Variants in BBS9 observed in about 807,000 individuals in gnomAD.
BBS9 encodes the protein protein PTHB1.
In BBS9, 89 loss-of-function variants were observed where a neutral mutation model predicts 117.7. That is an observed-to-expected ratio of 0.76 (90% confidence interval 0.64 to 0.90). BBS9 has a LOEUF of 0.90. Ranked by LOEUF, BBS9 falls within the 40% of genes least tolerant of loss-of-function variation. The pLI is 0.00. For synonymous variants in BBS9, 379 were observed against 370.9 expected (o/e 1.02, Z -0.25); for missense variants, 982 against 1,042.2 (o/e 0.94, Z 0.80).
chr7:33,480,433 G>A (rs1261688289), intron 19 of BBS9, among the ~76,000 whole-genome samples: 1 of 152,166 alleles, frequency 6.6e-6, no homozygotes, highest in African/African-American at 2.4e-5. Context: ...AAAGCATAGA[G>A]TAAGTTTTGA....
intron 19 of BBS9, chr7:33,390,402 T>C (rs1826858443): frequency 2.0e-6 from 2 of 985,272 alleles, no homozygotes; most frequent in Non-Finnish European, 2.4e-6. Flanking sequence ...ATTTGTAATA[T>C]TACAGACAAG....
chr7:33,344,264 G>T (rs1817173289), intron 11 of BBS9, among the ~76,000 whole-genome samples: 1 of 151,208 alleles, frequency 6.6e-6, no homozygotes, highest in South Asian at 2.1e-4. Context: ...TGTATTTTTA[G>T]TAGAGACGGG....
chr7:33,423,037 T>C (rs1833094474), intron 19 of BBS9, among the ~76,000 whole-genome samples: 1 of 152,168 alleles, frequency 6.6e-6, no homozygotes, highest in South Asian at 2.1e-4. Flanking sequence ...TGAATGCCGC[T>C]TTCCAAACAG....
intron 5 of BBS9, among the ~76,000 whole-genome samples, chr7:33,186,017 A>G (rs768651727): frequency 6.6e-6 from 1 of 152,254 alleles, no homozygotes; most frequent in East Asian, 1.9e-4. Context: ...TTAAAAATAA[A>G]TGTAACTTCT....
chr7:33,205,861 T>G (rs1222681396), intron 5 of BBS9, among the ~76,000 whole-genome samples: 1 of 152,210 alleles, frequency 6.6e-6, no homozygotes, highest in Non-Finnish European at 1.5e-5. Context: ...ACTGTCTTGA[T>G]TTGACAGTTG....
intron 3 of BBS9, among the ~76,000 whole-genome samples, chr7:33,154,335 T>G (rs1793785127): frequency 6.6e-6 from 1 of 152,220 alleles, no homozygotes; most frequent in Non-Finnish European, 1.5e-5. Flanking sequence ...ATACATATAG[T>G]AAGGTGCAGA....
At chr7:33,505,210 T>A (rs111486273) in intron 19 of BBS9, among the ~76,000 whole-genome samples, 1 of 152,040 alleles carries the variant, frequency 6.6e-6, no homozygotes, top group East Asian at 1.9e-4. Context: ...CTGAACACTG[T>A]CCCTGCTAAG....
chr7:33,535,823 T>C (rs941610359), intron 21 of BBS9, among the ~76,000 whole-genome samples: 5 of 152,030 alleles, frequency 3.3e-5, no homozygotes, highest in African/African-American at 1.2e-4. Context: ...GAAAAAAAAT[T>C]TGAAGAGGGA....
intron 20 of BBS9, among the ~76,000 whole-genome samples, chr7:33,532,988 A>T (rs1850815843): frequency 6.6e-6 from 1 of 152,110 alleles, no homozygotes; most frequent in Admixed American, 6.5e-5. Context: ...CAACACCCAG[A>T]TTTCACTCAT....
intron 13 of BBS9, 124 bp downstream of exon 13, chr7:33,349,294 G>T: frequency 1.3e-6 from 1 of 747,858 alleles, no homozygotes; most frequent in Non-Finnish European, 2.4e-6. Flanking sequence ...CAAAATCAAT[G>T]ATTGTGTTGT....
intron 1 of BBS9, among the ~76,000 whole-genome samples, chr7:33,130,728 G>T (rs1390501029): frequency 6.6e-6 from 1 of 150,848 alleles, no homozygotes; most frequent in African/African-American, 2.4e-5. Context: ...TGAATATACG[G>T]AAGAATTAAA....
chr7:33,505,763 A>T, intron 20 of BBS9, 118 bp downstream of exon 20: 1 of 1,076,592 alleles, frequency 9.3e-7, no homozygotes, highest in Non-Finnish European at 1.3e-6. Context: ...GATTTTTTAC[A>T]AAAATGCTGC....
chr7:33,329,561 G>C (rs899860583), intron 9 of BBS9, among the ~76,000 whole-genome samples: 1 of 151,578 alleles, frequency 6.6e-6, no homozygotes, highest in African/African-American at 2.4e-5. Flanking sequence ...TTCTATTATA[G>C]ATACACCACA....
intron 1 of BBS9, among the ~76,000 whole-genome samples, chr7:33,136,327 C>T (rs1286960360): frequency 6.6e-6 from 1 of 151,686 alleles, no homozygotes; most frequent in East Asian, 1.9e-4. Context: ...TTCTTTTTTT[C>T]CAATTTGGAA....
chr7:33,214,591 G>A (rs1020491871), intron 5 of BBS9, among the ~76,000 whole-genome samples: 8 of 152,134 alleles, frequency 5.3e-5, no homozygotes, highest in South Asian at 2.1e-4. Flanking sequence ...CCTGCCTGTA[G>A]GCTTCTAATC....
At chr7:33,317,962 G>A (rs1326727207) in intron 9 of BBS9, among the ~76,000 whole-genome samples, 1 of 152,158 alleles carries the variant, frequency 6.6e-6, no homozygotes, top group Non-Finnish European at 1.5e-5. Flanking sequence ...TTAGGCATGA[G>A]AATTGCTTGA....
chr7:33,189,489 A>G (rs978363081), intron 5 of BBS9, among the ~76,000 whole-genome samples: 1 of 152,158 alleles, frequency 6.6e-6, no homozygotes, highest in African/African-American at 2.4e-5. Context: ...CATGAGATTA[A>G]AAGTCAGACC....
At chr7:33,410,888 C>CGT (rs1563139664) in intron 19 of BBS9, among the ~76,000 whole-genome samples, 1 of 151,670 alleles carries the variant, frequency 6.6e-6, no homozygotes, top group Non-Finnish European at 1.5e-5. Context: ...TTTTCACACA[C>CGT]GTCTCGTAAG....
At chr7:33,324,466 A>G (rs1194619362) in intron 9 of BBS9, among the ~76,000 whole-genome samples, 1 of 152,146 alleles carries the variant, frequency 6.6e-6, no homozygotes. Context: ...GATTCAGTTC[A>G]TCTTTTAGTC....
Sources: gnomAD v4.1 joint callset for allele counts (sites outside exome capture counted in the v4.1 genomes callset) on GRCh38, gnomAD v4.1.1 for gene constraint, MANE v1.5 for transcripts, NCBI Gene and HGNC (gene_info 2026-07-23, HGNC 2026-07-21) for gene names.